The following AP1S3 variants were observed in gnomAD, a reference collection of about 807,000 sequenced individuals.
AP1S3 encodes the protein adaptor related protein complex 1 subunit sigma 3.
Under a neutral mutation model 20.9 loss-of-function variants are expected in AP1S3, and 10 were observed. The observed-to-expected ratio is 0.48, with a 90% confidence interval of 0.29 to 0.81. The LOEUF (loss-of-function observed/expected upper bound fraction) is 0.81. Ranked by LOEUF, AP1S3 falls within the 30% of genes least tolerant of loss-of-function variation. AP1S3 has a pLI of 0.08. For missense variants in AP1S3, 154 were observed against 183.8 expected (o/e 0.84, Z 0.94); for synonymous variants, 41 against 61.5 (o/e 0.67, Z 1.56).
chr2:223,779,323 C>T (rs2106092093), intron 1 of AP1S3, among the ~76,000 whole-genome samples: 1 of 152,222 alleles, frequency 6.6e-6, no homozygotes, highest in East Asian at 1.9e-4. Context: ...GCGGGATAAT[C>T]ACTTGAGCCC....
Position 223,755,974 on chromosome 2 carries a change from C to T in AP1S3, c.*2741G>A, listed in dbSNP as rs924458693. Reference sequence around the variant, plus strand: ...AGATACCTTTATCCAAATATGGTGACAAATTTCAAAAGAACCGGAAAAACT... The same window carrying T: ...AGATACCTTTATCCAAATATGGTGATAAATTTCAAAAGAACCGGAAAAACT... On this transcript the variant is annotated 3_prime_UTR_variant, in exon 5 of 5. Coordinates refer to ENST00000396654, the MANE Select transcript of AP1S3 (RefSeq NM_001039569.2). 76 of 985,290 alleles carry T rather than the reference C, an allele frequency of 7.7e-5. No individual in the cohort carries two copies. The highest frequency in any genetic ancestry group is 9.0e-5 in the Non-Finnish European group (75 of 829,930). 61.0% of individuals were successfully genotyped at this position (985,290 alleles called of 1,614,324 possible).
intron 1 of AP1S3, among the ~76,000 whole-genome samples, chr2:223,779,142 GATTTT>G (rs1690861979): frequency 6.6e-6 from 1 of 152,164 alleles, no homozygotes; most frequent in African/African-American, 2.4e-5. Flanking sequence ...GAAGCAACCT[GATTTT>G]ATTTTCAAAT....
chr2:223,780,345 AGAGAGAGAGAGAGTGTGTGTGT>A (rs1217661703), intron 1 of AP1S3, among the ~76,000 whole-genome samples: 8 of 105,802 alleles, frequency 7.6e-5, no homozygotes, highest in African/African-American at 2.8e-4. Context: ...AGAGAGAGAG[AGAGAGAGAGAGAGTGTGTGTGT>A]GTGTGTGTGT....
intron 1 of AP1S3, among the ~76,000 whole-genome samples, chr2:223,803,178 A>T (rs1691505221): frequency 6.6e-6 from 1 of 152,200 alleles, no homozygotes; most frequent in Non-Finnish European, 1.5e-5. Flanking sequence ...CTACTTCATG[A>T]AGGCAATCCA....
At chr2:223,799,492 C>T (rs1183249073) in intron 1 of AP1S3, among the ~76,000 whole-genome samples, 3 of 152,194 alleles carry the variant, frequency 2.0e-5, no homozygotes, top group African/African-American at 7.2e-5. Context: ...CAAAGCAATC[C>T]ACCATATATC....
chr2:223,777,406 A>ATT (rs1690810604), intron 2 of AP1S3, among the ~76,000 whole-genome samples: 1 of 152,214 alleles, frequency 6.6e-6, no homozygotes, highest in Non-Finnish European at 1.5e-5. Flanking sequence ...AACAAATTAA[A>ATT]AAAGAACAAT....
At chr2:223,826,521 AG>A (rs1163036635) in intron 1 of AP1S3, among the ~76,000 whole-genome samples, 1 of 152,116 alleles carries the variant, frequency 6.6e-6, no homozygotes, top group East Asian at 1.9e-4. Context: ...TGAACCCGGG[AG>A]GCAGGGGTCG....
At chr2:223,786,676 C>T (rs1691085707) in intron 1 of AP1S3, among the ~76,000 whole-genome samples, 1 of 151,862 alleles carries the variant, frequency 6.6e-6, no homozygotes, top group Admixed American at 6.6e-5. Flanking sequence ...CCAAGGTGAG[C>T]AGATCGCTTG....
rs766586303 is a variant in AP1S3, at chr2:223,773,233, G to C, written c.291+2668C>G. 1.5e-5 allele frequency: 19 copies of C among 1,254,090 alleles called. No individual in the cohort carries two copies. In the Admixed American group the frequency reaches 5.4e-4, roughly 35 times the overall value. 77.7% of individuals were successfully genotyped at this position (1,254,090 alleles called of 1,614,324 possible). A position where few individuals can be genotyped will look rare whatever the true frequency, so the allele number is the denominator to read the frequency against. On this transcript the variant is annotated intron_variant, in intron 3 of 4. Transcript: ENST00000396654. ...GCCCCAATTCACATTATCACAGTTG[G>C]TTTAATCTAGGAAAATACAACAGGT... is the stretch of plus-strand genomic sequence containing the variant.
intron 1 of AP1S3, among the ~76,000 whole-genome samples, chr2:223,779,301 T>TG (rs1187913980): frequency 2.0e-5 from 3 of 152,182 alleles, no homozygotes; most frequent in Non-Finnish European, 4.4e-5. Context: ...CCCAGCACTT[T>TG]GGGAGGCCAA....
chr2:223,784,840 AAATAAT>A (rs914370423), intron 1 of AP1S3, among the ~76,000 whole-genome samples: 1 of 152,126 alleles, frequency 6.6e-6, no homozygotes, highest in Non-Finnish European at 1.5e-5. Context: ...CTCTACCAAA[AAATAAT>A]AATAATTAAA....
chr2:223,775,885 C>T lies in AP1S3; in HGVS notation c.291+16G>A, dbSNP rs1465813090. On this transcript the variant is annotated intron_variant, in intron 3 of 4. Coordinates refer to ENST00000396654, the MANE Select transcript of AP1S3 (RefSeq NM_001039569.2). Reference sequence around the variant, plus strand: ...GGGGACTGTAGCTAATCCTAACCGACAAGGACAACACTTACATTTCCAAAA... The same window carrying T: ...GGGGACTGTAGCTAATCCTAACCGATAAGGACAACACTTACATTTCCAAAA... 1 of 1,604,940 alleles carries T rather than the reference C, an allele frequency of 6.2e-7. No individual in the cohort carries two copies. The highest frequency in any genetic ancestry group is 8.5e-7 in the Non-Finnish European group (1 of 1,172,264).
chr2:223,829,614 T>C (rs1423705665), intron 1 of AP1S3, among the ~76,000 whole-genome samples: 1 of 152,070 alleles, frequency 6.6e-6, no homozygotes, highest in African/African-American at 2.4e-5. Context: ...GAGGTTGTGA[T>C]AAGCCAAGAT....
Position 223,776,018 on chromosome 2 carries a change from G to C in AP1S3, c.183-9C>G. 1 of 1,609,024 alleles carries C rather than the reference G, an allele frequency of 6.2e-7. No individual in the cohort carries two copies. Among genetic ancestry groups the C allele is most frequent in the Non-Finnish European group, 8.5e-7 (1 of 1,176,228 alleles). Reference sequence around the variant, plus strand: ...AATATAAACTAGCATACCTTGAAATGAAAAATAACAAAAGCAAAATATGAC... The same window carrying C: ...AATATAAACTAGCATACCTTGAAATCAAAAATAACAAAAGCAAAATATGAC... On this transcript the variant is annotated splice_polypyrimidine_tract_variant and intron_variant, in intron 2 of 4. Coordinates refer to ENST00000396654, the MANE Select transcript of AP1S3 (RefSeq NM_001039569.2).
At chr2:223,815,373 C>A (rs554960070) in intron 1 of AP1S3, among the ~76,000 whole-genome samples, 170 of 152,180 alleles carry the variant, frequency 1.1e-3, no homozygotes, top group Non-Finnish European at 2.0e-3. Flanking sequence ...ATTTTGGATG[C>A]AATCCAAGGA....
intron 1 of AP1S3, among the ~76,000 whole-genome samples, chr2:223,828,326 T>C (rs1397658807): frequency 5.0e-5 from 7 of 139,192 alleles, no homozygotes; most frequent in Non-Finnish European, 9.1e-5. Flanking sequence ...AGACAGACTC[T>C]CACTCTGTTG....
chr2:223,837,171 C>T (rs899767480), intron 1 of AP1S3, among the ~76,000 whole-genome samples: 2 of 151,572 alleles, frequency 1.3e-5, no homozygotes, highest in Non-Finnish European at 2.9e-5. Flanking sequence ...AGCACCGAGC[C>T]CGGCACAGAC....
chr2:223,775,780 G>A (rs76026027), intron 3 of AP1S3, 121 bp downstream of exon 3: 33,984 of 733,138 alleles, frequency 0.046, 1,333 homozygotes, highest in East Asian at 0.15. Context: ...GGTGATCTTC[G>A]GTTCAAGTTC....
Position 223,837,348 on chromosome 2 carries a change from CCCCCACCCGGCCGCGCG to C in AP1S3, c.3+83_3+99del, listed in dbSNP as rs1195795339. On this transcript the variant is annotated intron_variant, in intron 1 of 4. Transcript: ENST00000396654. ...GTGGCCAGGCGGGACTCGGCCCGCA[CCCCCACCCGGCCGCGCG>C]CCCGGCCCGGACGCCCCAGGTGCCT... The C allele has an allele frequency of 1.9e-4, 111 of 595,416 alleles. No homozygotes were observed. In the African/African-American group the frequency reaches 1.9e-3, roughly 10 times the overall value. 36.9% of individuals were successfully genotyped at this position (595,416 alleles called of 1,614,324 possible). A position where few individuals can be genotyped will look rare whatever the true frequency, so the allele number is the denominator to read the frequency against.
Sources: gnomAD v4.1 joint callset for allele counts (sites outside exome capture counted in the v4.1 genomes callset) on GRCh38, gnomAD v4.1.1 for gene constraint, MANE v1.5 for transcripts, NCBI Gene and HGNC (gene_info 2026-07-23, HGNC 2026-07-21) for gene names.